DMXL2: variants seen among roughly 807,000 people sequenced by gnomAD.
The protein encoded by DMXL2 is Dmx like 2, also known as dmX-like protein 2.
Under a neutral mutation model 331.1 loss-of-function variants are expected in DMXL2, and 103 were observed. The observed-to-expected ratio is 0.31, with a 90% CI of 0.27 to 0.37. The LOEUF is 0.37. DMXL2 is among the 10% of genes least tolerant of loss of function. The pLI is 1.00. For missense variants in DMXL2, 3,171 were observed against 3,642.9 expected, an observed-to-expected ratio of 0.87 and a Z score of 3.33; for synonymous variants, 1,281 against 1,252.1, an observed-to-expected ratio of 1.02 and a Z score of -0.49.
chr15:51,529,094 G>A (rs770884952), intron 13 of DMXL2, among the ~76,000 whole-genome samples: 1 of 151,902 alleles, frequency 6.6e-6, no homozygotes. Context: ...AAAATCTATG[G>A]GATACTGCAA....
intron 29 of DMXL2, among the ~76,000 whole-genome samples, chr15:51,470,823 C>T (rs1157852907): frequency 1.3e-5 from 2 of 152,130 alleles, no homozygotes; most frequent in Non-Finnish European, 2.9e-5. Flanking sequence ...TATCATGGGG[C>T]CTCATCATGG....
At position 51,456,367 on chromosome 15, in the gene DMXL2, A is replaced by G. The variant is rs76659258; in HGVS notation, c.8340T>C (p.Leu2780=). 49,124 of 1,571,072 alleles carry G rather than the reference A, an allele frequency of 0.031. 933 individuals carry two copies. The highest frequency in any genetic ancestry group is 0.045 in the Middle Eastern group (251 of 5,624). ...TAACATTATGTAGATTCCTTTTCAT[A>G]AGCTTTAAAAGAAAATTTTAAAAAT... ...TGQTSTGASV[L]MKRNLHNVKR... Residue 2780 remains leucine, a splice_region_variant and synonymous_variant, in exon 38 of 44, where the codon CTT becomes CTC. Transcript: ENST00000560891.
chr15:51,594,127 A>G (rs532440084), intron 1 of DMXL2, among the ~76,000 whole-genome samples: 1 of 152,354 alleles, frequency 6.6e-6, no homozygotes, highest in East Asian at 1.9e-4. Flanking sequence ...TGAATCCAGA[A>G]GCTGGTTTTT....
Position 51,622,765 on chromosome 15 carries a change from C to G in DMXL2, c.-220G>C. On this transcript the variant is annotated 5_prime_UTR_variant, in exon 1 of 44. Transcript: ENST00000560891. ...CGCCGCCCGGGTCGCCGCTCAGCTG[C>G]GGAAATGCCCGGATGTTCCCACTGC... 2.6e-6 allele frequency: 2 copies of G among 771,436 alleles called. No individual in the cohort carries two copies. Among genetic ancestry groups the G allele is most frequent in the Non-Finnish European group, 3.9e-6 (2 of 509,564 alleles). 47.8% of individuals were successfully genotyped at this position (771,436 alleles called of 1,614,324 possible). A position where few individuals can be genotyped will look rare whatever the true frequency, so the allele number is the denominator to read the frequency against.
chr15:51,470,238 C>T (rs549674505), intron 29 of DMXL2, among the ~76,000 whole-genome samples: 2 of 152,110 alleles, frequency 1.3e-5, no homozygotes, highest in Non-Finnish European at 2.9e-5. Context: ...TGGACTCAAG[C>T]AATCCTCTCA....
At chr15:51,592,954 A>G (rs962750295) in intron 1 of DMXL2, among the ~76,000 whole-genome samples, 1 of 152,378 alleles carries the variant, frequency 6.6e-6, no homozygotes, top group East Asian at 1.9e-4. Context: ...CAGCCACTGT[A>G]AAAACATGCC....
At position 51,580,184 on chromosome 15, in the gene DMXL2, A is replaced by G. The variant is rs560209927; in HGVS notation, c.88-4003T>C. The stretch of plus-strand genomic sequence containing the variant: ...TTACTCAAAAGATTCCCATTCTCTC[A>G]ATTTTAGAGAGATCAAAAGTGATTT... On this transcript the variant is annotated intron_variant, in intron 1 of 43. Transcript: ENST00000560891. Among the ~76,000 whole-genome samples the G allele has an allele frequency of 4.6e-5, 7 of 152,278 alleles. No individual in the cohort carries two copies. The South Asian group carries it at 1.5e-3, about 32-fold the overall frequency.
At chr15:51,461,922 C>G (rs2040163473) in intron 33 of DMXL2, among the ~76,000 whole-genome samples, 1 of 152,102 alleles carries the variant, frequency 6.6e-6, no homozygotes, top group Admixed American at 6.5e-5. Context: ...ATAGGAAATG[C>G]TATACACAGT....
At chr15:51,469,780 C>A (rs1233294418) in intron 29 of DMXL2, among the ~76,000 whole-genome samples, 2 of 152,148 alleles carry the variant, frequency 1.3e-5, no homozygotes, top group African/African-American at 4.8e-5. Context: ...ACTGCCTATA[C>A]ATTTTTAAGA....
At position 51,488,500 on chromosome 15, in the gene DMXL2, G is replaced by T; in HGVS notation, c.5051+48C>A. 3 of 1,489,492 alleles carry T rather than the reference G, an allele frequency of 2.0e-6. 1 individual carries two copies. In the South Asian group the frequency reaches 3.5e-5, roughly 18 times the overall value. The allele number at this position is 1,489,492 out of a possible 1,614,324, so 92.3% of individuals were successfully genotyped here. A position where few individuals can be genotyped will look rare whatever the true frequency, so the allele number is the denominator to read the frequency against. ...AAAAGCATTAGGTTTCTTACTCACA[G>T]CACAATCTTCATTCTGTTGAATCAC... On this transcript the variant is annotated intron_variant, in intron 21 of 43. Coordinates refer to ENST00000560891, the MANE Select transcript of DMXL2 (RefSeq NM_001378457.1).
intron 26 of DMXL2, among the ~76,000 whole-genome samples, chr15:51,478,045 A>G (rs1483017132): frequency 6.6e-6 from 1 of 152,108 alleles, no homozygotes; most frequent in African/African-American, 2.4e-5. Context: ...GATGGTAATG[A>G]TGGTAATTTA....
chr15:51,458,849 T>C (rs2140236363), intron 34 of DMXL2, 54 bp from the exon 35 acceptor site: 1 of 1,397,184 alleles, frequency 7.2e-7, no homozygotes, highest in Non-Finnish European at 1.0e-6. Flanking sequence ...CTATTTAGAG[T>C]TATGCACATC....
intron 1 of DMXL2, among the ~76,000 whole-genome samples, chr15:51,602,057 T>C (rs184667642): frequency 2.6e-5 from 4 of 152,238 alleles, no homozygotes; most frequent in Admixed American, 2.6e-4. Flanking sequence ...GATGCAGCCA[T>C]AAAACATAAA....
intron 1 of DMXL2, among the ~76,000 whole-genome samples, chr15:51,599,012 G>A (rs1044786557): frequency 1.3e-5 from 2 of 152,218 alleles, no homozygotes; most frequent in Non-Finnish European, 2.9e-5. Context: ...CTGTAAAGAA[G>A]AGCGTTCCTT....
At chr15:51,513,290 A>G (rs1355651006) in intron 15 of DMXL2, among the ~76,000 whole-genome samples, 4 of 152,322 alleles carry the variant, frequency 2.6e-5, no homozygotes, top group Non-Finnish European at 5.9e-5. Flanking sequence ...AAATAATGTG[A>G]TAAATGGCAG....
intron 6 of DMXL2, among the ~76,000 whole-genome samples, chr15:51,559,809 A>C (rs910749799): frequency 6.6e-6 from 1 of 152,222 alleles, no homozygotes; most frequent in African/African-American, 2.4e-5. Flanking sequence ...CCACATCAGC[A>C]CTGGCTAGGA....
rs762280638 is a variant in DMXL2, at chr15:51,453,614, T to C, written c.8632A>G (p.Ser2878Gly). The C allele has an allele frequency of 6.2e-7, 1 of 1,613,830 alleles. No homozygotes were observed. Among genetic ancestry groups the C allele is most frequent in the East Asian group, 2.2e-5 (1 of 44,818 alleles). ...MSWQCHSKAT[S>G]DFAFITSSSL... ...GAAGAGGTAATAAATGCAAAGTCAC[T>C]TGTGGCTTTACTGTGGCACTGCCAA... Residue 2878 changes from serine to glycine, a missense_variant, in exon 41 of 44, where the codon AGT becomes GGT. Physicochemically the swap from Ser to Gly is moderately conservative, Grantham distance 56. Coordinates refer to ENST00000560891, the MANE Select transcript of DMXL2 (RefSeq NM_001378457.1).
At chr15:51,614,478 A>C (rs568736606) in intron 1 of DMXL2, among the ~76,000 whole-genome samples, 30 of 152,360 alleles carry the variant, frequency 2.0e-4, no homozygotes, top group African/African-American at 6.7e-4. Flanking sequence ...ATTCCTCCTG[A>C]TACATTAATA....
intron 9 of DMXL2, among the ~76,000 whole-genome samples, chr15:51,539,558 T>C (rs962938012): frequency 6.6e-6 from 1 of 152,056 alleles, no homozygotes; most frequent in Non-Finnish European, 1.5e-5. Context: ...TCTGTAATCC[T>C]AGCACTTCTG....
Sources: gnomAD v4.1 joint callset for allele counts (sites outside exome capture counted in the v4.1 genomes callset) on GRCh38, gnomAD v4.1.1 for gene constraint, MANE v1.5 for transcripts, NCBI Gene and HGNC (gene_info 2026-07-23, HGNC 2026-07-21) for gene names.